Variants in MALAT1 observed in about 807,000 individuals in gnomAD.
The protein encoded by MALAT1 is metastasis associated lung adenocarcinoma transcript 1.
exon 3 of MALAT1, chr11:65,503,356 C>A (rs1251293860): frequency 3.9e-6 from 2 of 518,768 alleles, no homozygotes; most frequent in South Asian, 2.8e-5. Flanking sequence ...AATTGTAGGA[C>A]TTGTTCCTGT....
intron 1 of MALAT1, chr11:65,498,213 C>T (rs757759934): frequency 5.8e-6 from 3 of 518,926 alleles, no homozygotes; most frequent in South Asian, 2.8e-5. Flanking sequence ...CAAAGCCATT[C>T]GCTTAGTTGG....
chr11:65,502,766 G>A (rs752254942), exon 3 of MALAT1: 1 of 515,768 alleles, frequency 1.9e-6, no homozygotes, highest in Non-Finnish European at 3.9e-6. Flanking sequence ...CCTCCATTGG[G>A]GAATAAGCAT....
chr11:65,502,973 C>G (rs1325571582), exon 3 of MALAT1: 1 of 494,740 alleles, frequency 2.0e-6, no homozygotes, highest in Non-Finnish European at 4.0e-6. Context: ...ACTGCTTTTA[C>G]AAAAGCAGAA....
intron 2 of MALAT1, chr11:65,498,912 A>G (rs763722647): frequency 1.9e-6 from 1 of 518,710 alleles, no homozygotes; most frequent in Non-Finnish European, 3.8e-6. Context: ...AAATCTAGAA[A>G]AGTAAAACTA....
At chr11:65,499,987 A>G (rs1184801659) in exon 3 of MALAT1, 5 of 426,532 alleles carry the variant, frequency 1.2e-5, no homozygotes, top group Non-Finnish European at 1.4e-5. Context: ...TAGCACTGAA[A>G]AAATGAGGAA....
chr11:65,505,284 G>A (rs772817101), intron 3 of MALAT1: 1 of 518,846 alleles, frequency 1.9e-6, no homozygotes, highest in East Asian at 5.4e-5. Flanking sequence ...CTAAGGTCAA[G>A]AGAAGTGTCA....
exon 3 of MALAT1, chr11:65,503,815 T>C (rs750746425): frequency 1.7e-5 from 9 of 515,812 alleles, no homozygotes; most frequent in South Asian, 1.3e-4. Context: ...AAAGACAAAT[T>C]TTATTCTTCA....
chr11:65,498,394 C>G (rs1167992885), intron 1 of MALAT1: 7 of 518,458 alleles, frequency 1.4e-5, no homozygotes, highest in South Asian at 9.8e-5. Context: ...GCCAACGGCC[C>G]CCGGGGCTCA....
exon 3 of MALAT1, chr11:65,499,389 C>G (rs1268215234): frequency 6.1e-6 from 3 of 488,880 alleles, no homozygotes; most frequent in African/African-American, 5.9e-5. Flanking sequence ...GAATTAATAC[C>G]AATAGAAGGG....
At position 65,504,781 on chromosome 11, in the gene MALAT1, TTC is replaced by T. The variant is rs752450692; in HGVS notation, n.5168+883_5168+884del. ...TTTAGTGCATTGTTTATGTGTGGGT[TTC>T]TCTCTCCCCTCCCTTGGTCTTAATT... On this transcript the variant is annotated intron_variant and non_coding_transcript_variant, in intron 3 of 3. Coordinates refer to ENST00000619449, the Ensembl canonical transcript of MALAT1. The T allele has an allele frequency of 7.7e-6, 4 of 519,030 alleles. No homozygotes were observed. In the East Asian group the frequency reaches 2.2e-4, roughly 28 times the overall value. 32.2% of individuals were successfully genotyped at this position (519,030 alleles called of 1,614,324 possible).
At chr11:65,505,491 C>A (rs767979615) in intron 3 of MALAT1, 2 of 514,420 alleles carry the variant, frequency 3.9e-6, no homozygotes, top group South Asian at 2.8e-5. Flanking sequence ...AGCGGGCAAC[C>A]ACTTTTCCCT....
exon 3 of MALAT1, chr11:65,501,435 C>CTG: frequency 1.9e-6 from 1 of 515,670 alleles, no homozygotes; most frequent in Non-Finnish European, 3.9e-6. Flanking sequence ...GGAGAAATGG[C>CTG]TGGTAGTTAC....
chr11:65,504,586 G>T (rs762749988), intron 3 of MALAT1: 12 of 518,742 alleles, frequency 2.3e-5, no homozygotes, highest in Admixed American at 2.1e-4. Context: ...TTTTGCTGGT[G>T]TATTTTTAGG....
chr11:65,498,616 C>T (rs954015266), intron 1 of MALAT1: 5 of 518,648 alleles, frequency 9.6e-6, no homozygotes, highest in Non-Finnish European at 1.9e-5. Context: ...CCCTGCAAGG[C>T]TGGGGCTCAG....
At chr11:65,498,385 C>A in intron 1 of MALAT1, 1 of 518,404 alleles carries the variant, frequency 1.9e-6, no homozygotes, top group South Asian at 1.4e-5. Context: ...CCACTGGCAG[C>A]CAACGGCCCC....
chr11:65,503,447 C>A (rs763730705), exon 3 of MALAT1: 4 of 517,142 alleles, frequency 7.7e-6, no homozygotes, highest in Admixed American at 5.9e-5. Flanking sequence ...CTAAAGTGAT[C>A]AGTGCCTTGA....
chr11:65,499,279 A>AT, exon 3 of MALAT1: 1 of 514,128 alleles, frequency 1.9e-6, no homozygotes, highest in Non-Finnish European at 3.9e-6. Context: ...GAAGGAAAAG[A>AT]TAAAAGGTTT....
chr11:65,498,282 TCAG>T (rs774573142), intron 1 of MALAT1: 1 of 518,704 alleles, frequency 1.9e-6, no homozygotes, highest in South Asian at 1.4e-5. Context: ...GTGAGCACTT[TCAG>T]GAGAGCCTGG....
exon 3 of MALAT1, chr11:65,503,206 C>A (rs368725127): frequency 1.1e-4 from 56 of 513,092 alleles, no homozygotes; most frequent in African/African-American, 8.7e-4. Context: ...GTTTAACTTG[C>A]ATCTGCAGTA....
Sources: allele counts gnomAD v4.1 joint callset, GRCh38; gene constraint gnomAD v4.1.1; transcripts MANE v1.5; gene names NCBI Gene and HGNC (gene_info 2026-07-23, HGNC 2026-07-21).